The following DLG2 variants were observed in gnomAD, a reference collection of about 807,000 sequenced individuals.
The protein encoded by DLG2 is discs large MAGUK scaffold protein 2, also known as disks large homolog 2.
DLG2 carries 45 observed loss-of-function variants against 132.5 expected under a neutral mutation model. That is an observed-to-expected ratio of 0.34 (90% CI 0.27 to 0.44). The LOEUF is 0.44. Ranked by LOEUF, DLG2 falls within the 20% of genes least tolerant of loss-of-function variation. DLG2 has a pLI of 1.00. For synonymous variants in DLG2, 424 were observed against 419.6 expected, an observed-to-expected ratio of 1.01 and a Z score of -0.13; for missense variants, 1,045 against 1,196.9, an observed-to-expected ratio of 0.87 and a Z score of 1.87.
chr11:84,210,023 A>C (rs10751107), intron 8 of DLG2, among the ~76,000 whole-genome samples: 123,808 of 152,106 alleles, frequency 0.81, 51,079 homozygotes, highest in Middle Eastern at 0.92. Flanking sequence ...TGGCTCATGC[A>C]TGTAATCCCA....
At chr11:84,903,993 A>T (rs762273172) in intron 6 of DLG2, among the ~76,000 whole-genome samples, 3 of 152,202 alleles carry the variant, frequency 2.0e-5, no homozygotes, top group Non-Finnish European at 4.4e-5. Flanking sequence ...AAATGACTAT[A>T]GGCTTATGCA....
chr11:85,397,642 A>G lies in DLG2; in HGVS notation c.41-112277T>C, dbSNP rs183198344. ...GGAGTTGCAATCCTAGTCTCTGATAAAACAGACTTTAAACCAACAAAGATC... is the reference window on the plus strand; with the variant it reads ...GGAGTTGCAATCCTAGTCTCTGATAGAACAGACTTTAAACCAACAAAGATC... On this transcript the variant is annotated intron_variant, in intron 3 of 27. Coordinates refer to ENST00000376104, the MANE Select transcript of DLG2 (RefSeq NM_001142699.3). 3.3e-5 allele frequency among the ~76,000 whole-genome samples: 5 copies of G among 152,306 alleles called. No homozygotes were observed. The East Asian group carries it at 9.6e-4, about 29-fold the overall frequency.
chr11:84,192,949 T>C (rs1488256939), intron 8 of DLG2, among the ~76,000 whole-genome samples: 1 of 152,136 alleles, frequency 6.6e-6, no homozygotes, highest in Non-Finnish European at 1.5e-5. Context: ...ATAAACTCTA[T>C]ATTAGAAACT....
chr11:85,075,458 G>C (rs1435095699), intron 6 of DLG2, among the ~76,000 whole-genome samples: 1 of 151,838 alleles, frequency 6.6e-6, no homozygotes, highest in African/African-American at 2.4e-5. Context: ...CACTTAATAA[G>C]CATGTATTCA....
chr11:85,126,753 T>C (rs1322642092), intron 5 of DLG2, among the ~76,000 whole-genome samples: 1 of 152,108 alleles, frequency 6.6e-6, no homozygotes, highest in African/African-American at 2.4e-5. Context: ...GATACAAAGA[T>C]AAAGAAGCTA....
At chr11:84,650,871 GTGTA>G (rs1362749775) in intron 6 of DLG2, among the ~76,000 whole-genome samples, 42 of 124,634 alleles carry the variant, frequency 3.4e-4, no homozygotes, top group East Asian at 1.5e-3. Context: ...GTGTGTGTGT[GTGTA>G]TATATATATA....
At chr11:83,914,215 T>G (rs1469782811) in intron 15 of DLG2, among the ~76,000 whole-genome samples, 1 of 152,052 alleles carries the variant, frequency 6.6e-6, no homozygotes, top group Non-Finnish European at 1.5e-5. Context: ...TGAGTGAGTT[T>G]TCACTGTTAG....
intron 16 of DLG2, among the ~76,000 whole-genome samples, chr11:83,844,853 T>C (rs1314957156): frequency 6.6e-6 from 1 of 152,112 alleles, no homozygotes; most frequent in African/African-American, 2.4e-5. Context: ...TAGGGTCACT[T>C]GGGTGGCTAA....
chr11:83,865,440 T>G (rs1157175404), intron 16 of DLG2, among the ~76,000 whole-genome samples: 1 of 147,856 alleles, frequency 6.8e-6, no homozygotes, highest in Non-Finnish European at 1.5e-5. Flanking sequence ...AAGCCTGGTA[T>G]CTTCATGGTG....
chr11:84,800,011 T>C (rs2075174623), intron 6 of DLG2, among the ~76,000 whole-genome samples: 2 of 152,192 alleles, frequency 1.3e-5, no homozygotes, highest in African/African-American at 4.8e-5. Flanking sequence ...AAATGGGGCA[T>C]CAATAAAAGA....
intron 6 of DLG2, among the ~76,000 whole-genome samples, chr11:84,780,830 A>G (rs2071619967): frequency 6.6e-6 from 1 of 152,080 alleles, no homozygotes; most frequent in South Asian, 2.1e-4. Flanking sequence ...TTCCAGGTAT[A>G]TTCATCTTAA....
At chr11:85,549,395 A>G (rs56738052) in intron 3 of DLG2, among the ~76,000 whole-genome samples, 55,140 of 152,042 alleles carry the variant, frequency 0.36, 10,767 homozygotes, top group African/African-American at 0.46. Flanking sequence ...CAATCTCACC[A>G]GGAGCTGCAG....
chr11:84,923,229 GT>G (rs1432564204), intron 6 of DLG2: 7 of 1,561,064 alleles, frequency 4.5e-6, no homozygotes, highest in Admixed American at 1.9e-5. Flanking sequence ...CCCTCTGTCA[GT>G]TTGAAAATGC....
chr11:84,824,374 AAAG>A (rs1474196281), intron 6 of DLG2, among the ~76,000 whole-genome samples: 1 of 151,930 alleles, frequency 6.6e-6, no homozygotes, highest in East Asian at 1.9e-4. Context: ...GCTAACAAAA[AAAG>A]AGATTTTCAG....
intron 3 of DLG2, among the ~76,000 whole-genome samples, chr11:85,587,632 G>A (rs2079053409): frequency 6.6e-6 from 1 of 152,106 alleles, no homozygotes; most frequent in Admixed American, 6.5e-5. Flanking sequence ...CTTGGTGGGT[G>A]GATTTTTATC....
chr11:85,216,409 ATTAAT>A (rs1229155116), intron 4 of DLG2, among the ~76,000 whole-genome samples: 1 of 152,192 alleles, frequency 6.6e-6, no homozygotes, highest in Non-Finnish European at 1.5e-5. Context: ...ATTTAATGTC[ATTAAT>A]TTATCTTTTG....
Position 84,346,587 on chromosome 11 carries a change from T to C in DLG2, c.520-95296A>G, listed in dbSNP as rs2098540160. Among the ~76,000 whole-genome samples the C allele has an allele frequency of 2.0e-5, 3 of 152,232 alleles. No homozygotes were observed. The South Asian group carries it at 6.2e-4, about 32-fold the overall frequency. ...TGTAATCTGGAGACTGCAGTTTTCT[T>C]TTTTGTTTTGAAATGGAGTCTTGCT... On this transcript the variant is annotated intron_variant, in intron 7 of 27. Coordinates refer to ENST00000376104, the MANE Select transcript of DLG2 (RefSeq NM_001142699.3).
intron 7 of DLG2, among the ~76,000 whole-genome samples, chr11:84,423,733 T>TA (rs35890629): frequency 0.15 from 23,357 of 152,070 alleles, 3,440 homozygotes; most frequent in African/African-American, 0.38. Flanking sequence ...CCAGTTTCTT[T>TA]AAAAAAATAG....
chr11:85,391,273 G>A (rs551792893), intron 3 of DLG2, among the ~76,000 whole-genome samples: 2 of 152,102 alleles, frequency 1.3e-5, no homozygotes, highest in Non-Finnish European at 2.9e-5. Context: ...CCAATAACAA[G>A]CAGCAAGACT....
Sources: gnomAD v4.1 joint callset for allele counts (sites outside exome capture counted in the v4.1 genomes callset) on GRCh38, gnomAD v4.1.1 for gene constraint, MANE v1.5 for transcripts, NCBI Gene and HGNC (gene_info 2026-07-23, HGNC 2026-07-21) for gene names.